Variants in COG3 observed in about 807,000 individuals in gnomAD.
COG3 encodes the protein component of oligomeric golgi complex 3.
In COG3, 32 loss-of-function variants were observed where a neutral mutation model predicts 114.1. The observed-to-expected ratio is 0.28, with a 90% CI of 0.21 to 0.38. The LOEUF is 0.38. COG3 is among the 10% of genes least tolerant of loss of function. The pLI, the probability that COG3 is intolerant of heterozygous loss-of-function variation, is 1.00. For missense variants in COG3, 813 were observed against 973.2 expected (o/e 0.84, Z 2.19); for synonymous variants, 352 against 365.7 (o/e 0.96, Z 0.43).
chr13:45,495,557 A>G (rs1868669673), intron 12 of COG3, among the ~76,000 whole-genome samples: 1 of 151,308 alleles, frequency 6.6e-6, no homozygotes. Flanking sequence ...TTGTATTTTT[A>G]TGGAGATGGA....
intron 8 of COG3, among the ~76,000 whole-genome samples, chr13:45,489,580 T>C (rs968281437): frequency 1.1e-4 from 17 of 152,162 alleles, no homozygotes; most frequent in African/African-American, 4.1e-4. Flanking sequence ...AGTAACAAAT[T>C]AATATATGTG....
At chr13:45,510,086 G>A (rs1243397450) in intron 15 of COG3, among the ~76,000 whole-genome samples, 1 of 152,160 alleles carries the variant, frequency 6.6e-6, no homozygotes, top group African/African-American at 2.4e-5. Flanking sequence ...CATTCCTGAA[G>A]AGAAGACCCT....
intron 14 of COG3, among the ~76,000 whole-genome samples, chr13:45,507,697 G>A (rs1021151841): frequency 1.3e-5 from 2 of 151,098 alleles, no homozygotes; most frequent in African/African-American, 4.9e-5. Flanking sequence ...CCCAATAGGC[G>A]GAGGTTGCAG....
At chr13:45,490,882 TG>T in intron 8 of COG3, 32 bp from the exon 9 acceptor site, 1 of 1,385,082 alleles carries the variant, frequency 7.2e-7, no homozygotes, top group Non-Finnish European at 1.0e-6. Context: ...ATAACAGAGA[TG>T]GTTTTTTGAT....
chr13:45,470,860 C>G (rs976135743), intron 1 of COG3, among the ~76,000 whole-genome samples: 4 of 152,196 alleles, frequency 2.6e-5, no homozygotes, highest in African/African-American at 9.7e-5. Context: ...TATGATGGTT[C>G]AGCTTATGAC....
At chr13:45,518,900 A>G in intron 18 of COG3, 50 bp downstream of exon 18, 1 of 1,610,830 alleles carries the variant, frequency 6.2e-7, no homozygotes, top group Non-Finnish European at 8.5e-7. Flanking sequence ...GACATTCTTT[A>G]CATGTCTGGT....
chr13:45,531,151 G>GT (rs1873136366), intron 22 of COG3: 5 of 756,398 alleles, frequency 6.6e-6, no homozygotes, highest in Middle Eastern at 6.8e-4. Context: ...TTTTCTGTAG[G>GT]TTACTGGGGT....
At chr13:45,526,123 C>G (rs1168534006) in intron 20 of COG3, among the ~76,000 whole-genome samples, 1 of 74,672 alleles carries the variant, frequency 1.3e-5, no homozygotes, top group Non-Finnish European at 2.5e-5. Flanking sequence ...GAGTCTTGCT[C>G]TGTTGCCCAG....
Position 45,492,013 on chromosome 13 carries a change from G to T in COG3, c.1096-146G>T, listed in dbSNP as rs879091101. On this transcript the variant is annotated intron_variant, in intron 10 of 22. Transcript: ENST00000349995. The stretch of plus-strand genomic sequence containing the variant: ...TAATCTCATTATGCAGTCATCTATC[G>T]AAAACCAACCATTTTCCGTTCTTCA... The T allele has an allele frequency of 2.1e-5, 11 of 511,632 alleles. No individual in the cohort carries two copies. The South Asian group carries it at 3.7e-4, about 17-fold the overall frequency. 31.7% of individuals were successfully genotyped at this position (511,632 alleles called of 1,614,324 possible). A position where few individuals can be genotyped will look rare whatever the true frequency, so the allele number is the denominator to read the frequency against.
At chr13:45,530,843 A>T in intron 22 of COG3, 63 bp downstream of exon 22, 3 of 1,527,742 alleles carry the variant, frequency 2.0e-6, no homozygotes, top group South Asian at 1.3e-5. Context: ...ACCTGAGTAG[A>T]TAATGTCTTT....
Position 45,503,300 on chromosome 13 carries a change from T to G in COG3, c.1545T>G (p.Phe515Leu). ...EQKKVPSEAS[F>L]SDVHLEEGES... ...AGAAGGTACCTTCAGAAGCTTCATT[T>G]TCAGATGTTCACTTAGAAGAAGGAG... The change falls in exon 14 of 23, where the codon TTT (phenylalanine) becomes TTG (leucine). Residue 515 changes from phenylalanine (F) to leucine (L), a missense_variant. Coordinates refer to ENST00000349995, the MANE Select transcript of COG3 (RefSeq NM_031431.4). 2 of 1,608,168 alleles carry G rather than the reference T, an allele frequency of 1.2e-6. No individual in the cohort carries two copies. The highest frequency in any genetic ancestry group is 8.5e-7 in the Non-Finnish European group (1 of 1,174,806).
intron 21 of COG3, 43 bp downstream of exon 21, chr13:45,529,961 A>G: frequency 6.4e-7 from 1 of 1,570,618 alleles, no homozygotes; most frequent in Non-Finnish European, 8.6e-7. Context: ...GGGTGACTTC[A>G]AGTATTCTTT....
intron 19 of COG3, among the ~76,000 whole-genome samples, chr13:45,520,614 G>A (rs879392427): frequency 3.9e-5 from 6 of 152,166 alleles, no homozygotes; most frequent in Non-Finnish European, 7.4e-5. Flanking sequence ...AAAATGCATA[G>A]AAATGTTAAA....
At chr13:45,529,615 T>C (rs1160441468) in intron 20 of COG3, among the ~76,000 whole-genome samples, 176 bp from the exon 21 acceptor site, 1 of 152,198 alleles carries the variant, frequency 6.6e-6, no homozygotes, top group Non-Finnish European at 1.5e-5. Context: ...TAATGAATGT[T>C]TATAGGGCTT....
intron 21 of COG3, among the ~76,000 whole-genome samples, 157 bp from the exon 22 acceptor site, chr13:45,530,525 G>A (rs1306008371): frequency 6.6e-6 from 1 of 152,230 alleles, no homozygotes; most frequent in Non-Finnish European, 1.5e-5. Context: ...GGTCATGCCA[G>A]CACTGAAATA....
chr13:45,504,574 A>G (rs1232835408), intron 14 of COG3, among the ~76,000 whole-genome samples: 1 of 152,182 alleles, frequency 6.6e-6, no homozygotes, highest in Non-Finnish European at 1.5e-5. Context: ...ATATTTTTCC[A>G]TTTGAAAGAT....
At chr13:45,492,326 G>A in intron 11 of COG3, 76 bp downstream of exon 11, 2 of 737,520 alleles carry the variant, frequency 2.7e-6, no homozygotes, top group South Asian at 3.8e-5. Flanking sequence ...GTATATTATA[G>A]GAGTATTCTA....
chr13:45,476,531 A>G (rs572887236), intron 2 of COG3, among the ~76,000 whole-genome samples, 184 bp downstream of exon 2: 1 of 152,280 alleles, frequency 6.6e-6, no homozygotes, highest in East Asian at 1.9e-4. Flanking sequence ...CTATTGCCCA[A>G]TTATAGTTAT....
intron 12 of COG3, among the ~76,000 whole-genome samples, chr13:45,494,672 A>G (rs571427321): frequency 3.3e-5 from 5 of 151,800 alleles, no homozygotes; most frequent in South Asian, 2.1e-4. Context: ...CTACAGGTGC[A>G]TGCCACCATG....
Sources: allele counts gnomAD v4.1 joint callset (sites outside exome capture counted in the v4.1 genomes callset), GRCh38; gene constraint gnomAD v4.1.1; transcripts MANE v1.5; gene names NCBI Gene and HGNC (gene_info 2026-07-23, HGNC 2026-07-21).